The following PIBF1 variants were observed in gnomAD, a reference collection of about 807,000 sequenced individuals.
The protein encoded by PIBF1 is progesterone immunomodulatory binding factor 1, also known as progesterone-induced-blocking factor 1.
A neutral mutation model predicts 112.5 loss-of-function variants in PIBF1; 90 were observed. The observed-to-expected ratio is 0.80, with a 90% CI of 0.67 to 0.95. The LOEUF is 0.95. Ranked by LOEUF, PIBF1 falls within the 40% of genes least tolerant of loss-of-function variation. The pLI, the probability that PIBF1 is intolerant of heterozygous loss-of-function variation, is 0.00. For synonymous variants in PIBF1, 301 were observed against 288.6 expected (o/e 1.04, Z -0.44); for missense variants, 915 against 852.3 (o/e 1.07, Z -0.92).
chr13:72,795,371 A>G lies in PIBF1; in HGVS notation c.366A>G (p.Glu122=), dbSNP rs1442446332. ...TCTTCTAATGTAGCAAATATCAAGA[A>G]TTAATGAAACAAGAAATGGAAACCA... The part of the protein sequence containing the change: ...FQQKDASKYQ[E]LMKQEMETIL... The change falls in exon 4 of 18, where the codon GAA becomes GAG. Residue 122 remains glutamate (E), a synonymous_variant. Coordinates refer to ENST00000326291, the MANE Select transcript of PIBF1 (RefSeq NM_006346.4). The G allele has an allele frequency of 6.3e-6, 10 of 1,586,422 alleles. No homozygotes were observed. Among genetic ancestry groups the G allele is most frequent in the African/African-American group, 2.7e-5 (2 of 73,684 alleles).
At chr13:72,996,374 C>T (rs2043672008) in intron 16 of PIBF1, among the ~76,000 whole-genome samples, 2 of 151,848 alleles carry the variant, frequency 1.3e-5, no homozygotes, top group Admixed American at 6.6e-5. Flanking sequence ...CAGAAGCTTA[C>T]ATTTTATCAA....
Position 72,893,940 on chromosome 13 carries a change from A to G in PIBF1, c.1479A>G (p.Lys493=), listed in dbSNP as rs140693004. 4.1e-5 allele frequency: 66 copies of G among 1,593,440 alleles called. No individual in the cohort carries two copies. The African/African-American group carries it at 8.0e-4, about 19-fold the overall frequency. ...QCQLECEKYQ[K]KLEVLTKEFY... ...AATTGGAATGTGAAAAATATCAGAAAAAATTGGAGGTACATGTACAAGCTT... is the reference window on the plus strand; with the variant it reads ...AATTGGAATGTGAAAAATATCAGAAGAAATTGGAGGTACATGTACAAGCTT... Residue 493 remains lysine (K), a synonymous_variant, in exon 11 of 18, where the codon AAA becomes AAG. Transcript: ENST00000326291.
At chr13:72,894,025 A>T in intron 11 of PIBF1, 76 bp downstream of exon 11, 1 of 265,586 alleles carries the variant, frequency 3.8e-6, no homozygotes, top group Non-Finnish European at 7.0e-6. Context: ...ATTGAGCTTT[A>T]TTTCTCCTAT....
intron 14 of PIBF1, among the ~76,000 whole-genome samples, chr13:72,956,163 A>G (rs932837120): frequency 6.6e-6 from 1 of 152,168 alleles, no homozygotes; most frequent in African/African-American, 2.4e-5. Flanking sequence ...TTGAATATCA[A>G]CTAGGCCCTT....
At chr13:72,946,958 G>A (rs929288989) in intron 14 of PIBF1, among the ~76,000 whole-genome samples, 4 of 152,214 alleles carry the variant, frequency 2.6e-5, no homozygotes, top group African/African-American at 9.6e-5. Context: ...GGGTCTGGAA[G>A]ACGGTGGCCG....
chr13:73,013,072 C>T (rs1199480477), intron 17 of PIBF1, among the ~76,000 whole-genome samples: 5 of 149,884 alleles, frequency 3.3e-5, no homozygotes, highest in African/African-American at 1.2e-4. Context: ...GAGGCCGAGG[C>T]GGGCGGATCA....
At chr13:72,980,462 C>A (rs963870371) in intron 16 of PIBF1, among the ~76,000 whole-genome samples, 4 of 152,032 alleles carry the variant, frequency 2.6e-5, no homozygotes, top group Non-Finnish European at 4.4e-5. Context: ...AGAGGTCAGG[C>A]CAAAGAAAGA....
At chr13:72,925,138 A>G (rs1300351063) in intron 13 of PIBF1, among the ~76,000 whole-genome samples, 2 of 152,248 alleles carry the variant, frequency 1.3e-5, no homozygotes, top group Admixed American at 1.3e-4. Flanking sequence ...AAAACTAACC[A>G]TGAAGGTCAG....
At chr13:73,008,480 G>C (rs2044104709) in intron 17 of PIBF1, among the ~76,000 whole-genome samples, 1 of 152,148 alleles carries the variant, frequency 6.6e-6, no homozygotes, top group African/African-American at 2.4e-5. Flanking sequence ...GAACTGAAAG[G>C]CTTCTGTCAC....
intron 14 of PIBF1, among the ~76,000 whole-genome samples, chr13:72,954,791 T>C (rs2042396976): frequency 6.6e-6 from 1 of 152,336 alleles, no homozygotes; most frequent in East Asian, 1.9e-4. Context: ...AGTTCTTCTG[T>C]TAAATTCTTG....
chr13:72,936,670 C>G (rs1217005884), intron 14 of PIBF1, among the ~76,000 whole-genome samples: 2 of 152,174 alleles, frequency 1.3e-5, no homozygotes, highest in African/African-American at 4.8e-5. Context: ...CAATACCACA[C>G]TATCTTGATT....
At chr13:72,979,695 G>T (rs1328993423) in intron 16 of PIBF1, among the ~76,000 whole-genome samples, 1 of 151,966 alleles carries the variant, frequency 6.6e-6, no homozygotes, top group Non-Finnish European at 1.5e-5. Context: ...AGGCCGAGGC[G>T]GGCAGATCAC....
chr13:73,006,452 A>G (rs1472709729), intron 17 of PIBF1, among the ~76,000 whole-genome samples: 4 of 152,176 alleles, frequency 2.6e-5, no homozygotes, highest in Non-Finnish European at 5.9e-5. Context: ...AGACAGCTTC[A>G]CATTTTGTTA....
rs543674963 is a variant in PIBF1, at chr13:72,957,946, T to C, written c.1834-7328T>C. ...CAGCCTGAGCAACAGAGTGAGATCC[T>C]ATCTCGGGCAGGGGGGAAAGAAAGA... On this transcript the variant is annotated intron_variant, in intron 14 of 17. Coordinates refer to ENST00000326291, the MANE Select transcript of PIBF1 (RefSeq NM_006346.4). Among the ~76,000 whole-genome samples the C allele has an allele frequency of 2.4e-3, 361 of 151,606 alleles. 1 individual carries two copies. Among genetic ancestry groups the C allele is most frequent in the African/African-American group, 8.2e-3 (337 of 41,326 alleles).
chr13:72,907,965 T>A (rs980957063), intron 11 of PIBF1, among the ~76,000 whole-genome samples: 5 of 152,150 alleles, frequency 3.3e-5, no homozygotes, highest in Admixed American at 6.6e-5. Flanking sequence ...ATTTTTAATG[T>A]GTTTTAGTTG....
chr13:72,892,099 A>C (rs2040080069), intron 10 of PIBF1, among the ~76,000 whole-genome samples: 1 of 152,152 alleles, frequency 6.6e-6, no homozygotes, highest in Non-Finnish European at 1.5e-5. Flanking sequence ...TAATTAGATA[A>C]TGATGTGCAA....
At chr13:73,014,881 CA>C (rs1193367077) in intron 17 of PIBF1, among the ~76,000 whole-genome samples, 1 of 152,134 alleles carries the variant, frequency 6.6e-6, no homozygotes, top group Non-Finnish European at 1.5e-5. Context: ...CTCCACCTCC[CA>C]GGTTCAATTC....
intron 16 of PIBF1, among the ~76,000 whole-genome samples, chr13:72,987,736 T>C (rs1006411671): frequency 6.7e-6 from 1 of 149,390 alleles, no homozygotes; most frequent in Non-Finnish European, 1.5e-5. Flanking sequence ...GGTCTCAAAC[T>C]CCTGGACTCA....
chr13:73,007,929 TC>T (rs774832177), intron 17 of PIBF1, among the ~76,000 whole-genome samples: 5 of 152,154 alleles, frequency 3.3e-5, no homozygotes, highest in Admixed American at 6.6e-5. Flanking sequence ...CTTAGAAACT[TC>T]CAGTGTTTGG....
Sources: gnomAD v4.1 joint callset for allele counts (sites outside exome capture counted in the v4.1 genomes callset) on GRCh38, gnomAD v4.1.1 for gene constraint, MANE v1.5 for transcripts, NCBI Gene and HGNC (gene_info 2026-07-23, HGNC 2026-07-21) for gene names.